CA5A: variants seen among roughly 807,000 people sequenced by gnomAD.
The protein encoded by CA5A is carbonic anhydrase 5A, mitochondrial.
CA5A carries 28 observed loss-of-function variants against 37.1 expected under a neutral mutation model. That is an observed-to-expected ratio of 0.75 (90% CI 0.56 to 1.03). CA5A has a LOEUF of 1.03. Among genes scored for constraint, CA5A ranks in the 50% least tolerant of loss-of-function variants. CA5A has a pLI of 0.00. For missense variants in CA5A, 444 were observed against 399.9 expected (o/e 1.11, Z -0.94); for synonymous variants, 171 against 158.4 (o/e 1.08, Z -0.60).
rs968692556 is a variant in CA5A at position 87,915,707 on chromosome 16, A to G, written c.341-10803T>C. ...CTGTCTCCAAAAAAAAAAAAAAAAAAAAAAAAAGGAAAAACTATTGTTTAT... is the reference window on the plus strand; with the variant it reads ...CTGTCTCCAAAAAAAAAAAAAAAAAGAAAAAAAGGAAAAACTATTGTTTAT... On this transcript the variant is annotated intron_variant, in intron 2 of 6. Coordinates refer to ENST00000649794, the MANE Select transcript of CA5A (RefSeq NM_001739.2). 1.0e-3 allele frequency among the ~76,000 whole-genome samples: 156 copies of G among 150,666 alleles called. 2 individuals carry two copies. Among genetic ancestry groups the G allele is most frequent in the African/African-American group, 3.7e-3 (152 of 41,208 alleles).
At chr16:87,924,195 T>C in intron 2 of CA5A, 1 of 985,464 alleles carries the variant, frequency 1.0e-6, no homozygotes, top group Non-Finnish European at 1.2e-6. Flanking sequence ...AGTTGCACTT[T>C]GCTTACGTTG....
chr16:87,903,036 T>TCG (rs1555520776), intron 3 of CA5A, among the ~76,000 whole-genome samples: 1 of 150,536 alleles, frequency 6.6e-6, no homozygotes, highest in African/African-American at 2.4e-5. Flanking sequence ...GTCTTCCTGG[T>TCG]GGGGGGGGAA....
Position 87,899,460 on chromosome 16 carries a change from G to C in CA5A, c.618+2452C>G, listed in dbSNP as rs1213541970. ...TGGGATTACAGGCACCCGCCACCACGCCTGGCTAATTTTTGTATTTTTAGT... is the reference window on the plus strand; with the variant it reads ...TGGGATTACAGGCACCCGCCACCACCCCTGGCTAATTTTTGTATTTTTAGT... On this transcript the variant is annotated intron_variant, in intron 5 of 6. Transcript: ENST00000649794. Among the ~76,000 whole-genome samples, 5 of 150,540 alleles carry C rather than the reference G, an allele frequency of 3.3e-5. No individual in the cohort carries two copies. The East Asian group carries it at 1.0e-3, about 30-fold the overall frequency.
At chr16:87,896,099 G>C (rs1327137986) in intron 5 of CA5A, among the ~76,000 whole-genome samples, 1 of 152,220 alleles carries the variant, frequency 6.6e-6, no homozygotes, top group Non-Finnish European at 1.5e-5. Context: ...CAAATCTTCA[G>C]AACAACCCTT....
Position 87,936,317 on chromosome 16 carries a change from T to G in CA5A, c.134A>C (p.Asn45Thr). ...SQRSCAWQTS[N>T]NTLHPLWTVP... ...TTTGAGGCTCTACTTACAAGTGTTA[T>G]TGCTGGTTTGCCATGCACAGGAACG... The change falls in exon 1 of 7, where the codon AAT becomes ACT. Residue 45 changes from asparagine (N) to threonine (T), a missense_variant. Coordinates refer to ENST00000649794, the MANE Select transcript of CA5A (RefSeq NM_001739.2). The G allele has an allele frequency of 6.2e-7, 1 of 1,612,852 alleles. No individual in the cohort carries two copies.
intron 2 of CA5A, among the ~76,000 whole-genome samples, chr16:87,918,528 A>T (rs932803261): frequency 2.6e-5 from 4 of 152,152 alleles, no homozygotes; most frequent in Admixed American, 2.6e-4. Context: ...CCCAGCTCCT[A>T]GGAAAACTGC....
chr16:87,913,894 G>T (rs904800293), intron 2 of CA5A, among the ~76,000 whole-genome samples: 2 of 152,218 alleles, frequency 1.3e-5, no homozygotes, highest in Non-Finnish European at 2.9e-5. Flanking sequence ...ATCTGGGAGG[G>T]CATAAGGAAG....
rs139816901 is a variant in CA5A, at chr16:87,901,915, A to G, written c.615T>C (p.His205=). 3 of 1,612,840 alleles carry G rather than the reference A, an allele frequency of 1.9e-6. No individual in the cohort carries two copies. The highest frequency in any genetic ancestry group is 1.7e-4 in the Middle Eastern group (1 of 6,052). Residue 205 remains histidine (H), a synonymous_variant, in exon 5 of 7, where the codon CAT becomes CAC. Transcript: ENST00000649794. ...TGATTTCAAATATGCAGCTTACCTT[A>G]TGTTTTATTTCCGGCAAGATGTCCA... ...RLVDILPEIK[H]KDARAAMRPF... is the part of the protein sequence containing the mutation.
At chr16:87,925,017 C>T (rs115161074) in intron 2 of CA5A, among the ~76,000 whole-genome samples, 203 of 152,296 alleles carry the variant, frequency 1.3e-3, no homozygotes, top group African/African-American at 4.8e-3. Flanking sequence ...TTGCTGAGTG[C>T]CTAGGAGGCC....
intron 2 of CA5A, among the ~76,000 whole-genome samples, chr16:87,907,156 T>G (rs780755736): frequency 6.6e-6 from 1 of 152,078 alleles, no homozygotes; most frequent in Non-Finnish European, 1.5e-5. Flanking sequence ...GGGTGGAGGT[T>G]GCAGTGAGCC....
At chr16:87,906,954 C>T (rs1282312841) in intron 2 of CA5A, among the ~76,000 whole-genome samples, 5 of 152,094 alleles carry the variant, frequency 3.3e-5, no homozygotes, top group East Asian at 3.9e-4. Context: ...CAGTGGCTCA[C>T]GCCTGTAATC....
At chr16:87,899,239 T>A (rs554670406) in intron 5 of CA5A, among the ~76,000 whole-genome samples, 3 of 149,354 alleles carry the variant, frequency 2.0e-5, no homozygotes, top group Non-Finnish European at 3.0e-5. Context: ...TCCCATTCCC[T>A]GGCCCATGAA....
intron 6 of CA5A, among the ~76,000 whole-genome samples, chr16:87,889,649 T>G (rs936237499): frequency 4.6e-5 from 7 of 151,934 alleles, no homozygotes; most frequent in Non-Finnish European, 1.0e-4. Context: ...GGCTCATGCT[T>G]GTAATCCAGC....
chr16:87,919,629 C>T (rs988219829), intron 2 of CA5A, among the ~76,000 whole-genome samples: 6 of 152,174 alleles, frequency 3.9e-5, no homozygotes, highest in South Asian at 2.1e-4. Context: ...GGTTGCAGCC[C>T]GGACTCTTTA....
intron 2 of CA5A, among the ~76,000 whole-genome samples, chr16:87,915,168 A>G (rs529761338): frequency 6.6e-6 from 1 of 152,292 alleles, no homozygotes; most frequent in East Asian, 1.9e-4. Context: ...CGCATTTATC[A>G]CTGGGGATCC....
intron 3 of CA5A, 125 bp downstream of exon 3, chr16:87,904,661 T>G: frequency 3.1e-6 from 2 of 637,182 alleles, no homozygotes; most frequent in Non-Finnish European, 5.7e-6. Flanking sequence ...GTTTGAGCAC[T>G]GACAGTCCCA....
intron 2 of CA5A, among the ~76,000 whole-genome samples, chr16:87,918,043 T>C (rs1432718034): frequency 1.3e-5 from 2 of 152,216 alleles, no homozygotes; most frequent in African/African-American, 4.8e-5. Flanking sequence ...CTGTCTCTCA[T>C]CTTGGAGCTG....
intron 1 of CA5A, among the ~76,000 whole-genome samples, chr16:87,928,737 A>C (rs1597587748): frequency 2.5e-5 from 3 of 119,640 alleles, no homozygotes; most frequent in South Asian, 2.9e-4. Flanking sequence ...CTGTATTCTC[A>C]TCTGGATTAT....
At position 87,890,764 on chromosome 16, in the gene CA5A, C is replaced by T. The variant is rs8047965; in HGVS notation, c.774+1035G>A. On this transcript the variant is annotated intron_variant, in intron 6 of 6. Transcript: ENST00000649794. ...CCAAGTAGCTGGGATTACAGGCAAACGCCACCATGCCTGGCTAATTTTTGT... is the reference window on the plus strand; with the variant it reads ...CCAAGTAGCTGGGATTACAGGCAAATGCCACCATGCCTGGCTAATTTTTGT... 8.0e-3 allele frequency among the ~76,000 whole-genome samples: 1,222 copies of T among 152,108 alleles called. 17 individuals carry two copies. The highest frequency in any genetic ancestry group is 0.028 in the African/African-American group (1,145 of 41,494).
Sources: allele counts gnomAD v4.1 joint callset (sites outside exome capture counted in the v4.1 genomes callset), GRCh38; gene constraint gnomAD v4.1.1; transcripts MANE v1.5; gene names NCBI Gene and HGNC (gene_info 2026-07-23, HGNC 2026-07-21).